ANKS1B: variants seen among roughly 807,000 people sequenced by gnomAD.
ANKS1B encodes the protein ankyrin repeat and sterile alpha motif domain containing 1B, also known as ankyrin repeat and sterile alpha motif domain-containing protein 1B.
ANKS1B carries 36 observed loss-of-function variants against 148.3 expected under a neutral mutation model. The observed-to-expected ratio is 0.24, with a 90% CI of 0.19 to 0.32. ANKS1B has a LOEUF of 0.32. Ranked by LOEUF, ANKS1B falls within the 10% of genes least tolerant of loss-of-function variation. The pLI is 1.00. For missense variants in ANKS1B, 1,157 were observed against 1,542.6 expected, an observed-to-expected ratio of 0.75 and a Z score of 4.19; for synonymous variants, 542 against 560.8, an observed-to-expected ratio of 0.97 and a Z score of 0.47.
chr12:99,208,835 C>CT (rs1326497138), intron 14 of ANKS1B, among the ~76,000 whole-genome samples: 10 of 151,926 alleles, frequency 6.6e-5, no homozygotes, highest in East Asian at 1.9e-4. Context: ...TTAAGAAAAG[C>CT]TTTTTTTTAA....
At chr12:99,761,092 C>A (rs992394595) in intron 8 of ANKS1B, among the ~76,000 whole-genome samples, 10 of 141,800 alleles carry the variant, frequency 7.1e-5, no homozygotes, top group African/African-American at 1.8e-4. Flanking sequence ...AACCCTGGAC[C>A]AGAAGGATTT....
chr12:99,829,237 G>A (rs546133601), intron 1 of ANKS1B, among the ~76,000 whole-genome samples: 13 of 151,720 alleles, frequency 8.6e-5, no homozygotes, highest in African/African-American at 2.9e-4. Flanking sequence ...TGGGCCAGTC[G>A]CGGTGGCTCA....
intron 14 of ANKS1B, among the ~76,000 whole-genome samples, chr12:99,231,417 G>A (rs572477215): frequency 6.6e-6 from 1 of 152,124 alleles, no homozygotes; most frequent in South Asian, 2.1e-4. Flanking sequence ...TGGACTTCAG[G>A]AAAAGAAAAA....
At chr12:99,356,973 CTT>C (rs1364577464) in intron 12 of ANKS1B, among the ~76,000 whole-genome samples, 3 of 149,388 alleles carry the variant, frequency 2.0e-5, no homozygotes, top group Non-Finnish European at 4.4e-5. Flanking sequence ...TCATTTAAAA[CTT>C]ATTTAGCATC....
At chr12:98,876,577 T>C (rs931281167) in intron 17 of ANKS1B, among the ~76,000 whole-genome samples, 1 of 152,220 alleles carries the variant, frequency 6.6e-6, no homozygotes, top group African/African-American at 2.4e-5. Flanking sequence ...GATCAAGGAC[T>C]CAAATTATGT....
At chr12:99,301,961 G>A (rs1175668792) in intron 12 of ANKS1B, among the ~76,000 whole-genome samples, 1 of 152,060 alleles carries the variant, frequency 6.6e-6, no homozygotes, top group African/African-American at 2.4e-5. Context: ...TGGGAATGGT[G>A]TATCAGGAAG....
At chr12:99,501,792 G>T (rs1197328972) in intron 10 of ANKS1B, among the ~76,000 whole-genome samples, 1 of 152,158 alleles carries the variant, frequency 6.6e-6, no homozygotes, top group Non-Finnish European at 1.5e-5. Flanking sequence ...TGTGACTTTA[G>T]TGCAGCATTT....
At chr12:99,069,418 T>A (rs973422568) in intron 16 of ANKS1B, among the ~76,000 whole-genome samples, 2 of 152,246 alleles carry the variant, frequency 1.3e-5, no homozygotes, top group African/African-American at 2.4e-5. Context: ...TTTCTTATGA[T>A]ACATTTACCT....
chr12:99,246,123 T>C (rs1012101134), intron 13 of ANKS1B, among the ~76,000 whole-genome samples, 152 bp downstream of exon 13: 4 of 152,106 alleles, frequency 2.6e-5, no homozygotes, highest in Non-Finnish European at 5.9e-5. Context: ...GAAATTACCA[T>C]GCATTACCCA....
chr12:99,444,769 T>C (rs2095610000), intron 10 of ANKS1B, among the ~76,000 whole-genome samples: 1 of 151,990 alleles, frequency 6.6e-6, no homozygotes, highest in Non-Finnish European at 1.5e-5. Context: ...TCCCAATAAT[T>C]TTCTTTCCTA....
At chr12:99,074,584 C>T (rs1160723438) in intron 16 of ANKS1B, among the ~76,000 whole-genome samples, 1 of 152,182 alleles carries the variant, frequency 6.6e-6, no homozygotes, top group African/African-American at 2.4e-5. Context: ...GCCATTCCTT[C>T]TCTCGATGTG....
In ANKS1B at chr12:99,010,896, C is replaced by CTTTTTTTTTTTTTTT. The variant is rs1364287827; in HGVS notation, c.2778+42260_2778+42261insAAAAAAAAAAAAAAA. Among the ~76,000 whole-genome samples, 3 of 113,862 alleles carry CTTTTTTTTTTTTTTT rather than the reference C, an allele frequency of 2.6e-5. 1 individual carries two copies. The highest frequency in any genetic ancestry group is 5.2e-5 in the Non-Finnish European group (3 of 58,090). 74.7% of individuals were successfully genotyped at this position (113,862 alleles called of 152,430 possible). ...AAGTAGCTAGGACTACAGGTGTGAGCTTTTGTTTTTTTTTTTTTTTTTTTT... is the reference window on the plus strand; with the variant it reads ...AAGTAGCTAGGACTACAGGTGTGAGCTTTTTTTTTTTTTTTTTTTGTTTTTTTTTTTTTTTTTTTT... On this transcript the variant is annotated intron_variant, in intron 17 of 26. Transcript: ENST00000683438.
At chr12:99,924,811 G>A (rs2094446879) in intron 1 of ANKS1B, among the ~76,000 whole-genome samples, 1 of 152,076 alleles carries the variant, frequency 6.6e-6, no homozygotes, top group South Asian at 2.1e-4. Flanking sequence ...TCAGTCAATG[G>A]TATCTTATTA....
chr12:99,338,865 T>C (rs1385519924), intron 12 of ANKS1B, among the ~76,000 whole-genome samples: 1 of 152,170 alleles, frequency 6.6e-6, no homozygotes, highest in African/African-American at 2.4e-5. Flanking sequence ...GCAAACTGCC[T>C]AAGACCTTAT....
chr12:99,200,542 T>G (rs1393557557), intron 14 of ANKS1B, among the ~76,000 whole-genome samples: 1 of 152,224 alleles, frequency 6.6e-6, no homozygotes. Flanking sequence ...CATTGGCACT[T>G]AAATTTTATG....
chr12:99,510,081 CCTA>C (rs1352411202), intron 9 of ANKS1B, among the ~76,000 whole-genome samples: 2 of 151,978 alleles, frequency 1.3e-5, no homozygotes, highest in Non-Finnish European at 2.9e-5. Flanking sequence ...ACTATTGAGA[CCTA>C]CTATTCACAA....
chr12:98,890,369 A>G (rs368928007), intron 17 of ANKS1B, among the ~76,000 whole-genome samples: 1 of 152,332 alleles, frequency 6.6e-6, no homozygotes, highest in East Asian at 1.9e-4. Context: ...GCAAGAAAAC[A>G]ATTTGAACCA....
chr12:98,895,086 G>A (rs1596461705), intron 17 of ANKS1B: 3 of 976,332 alleles, frequency 3.1e-6, no homozygotes, highest in Non-Finnish European at 3.6e-6. Context: ...CGGGGTGGGC[G>A]GCGAGGCGGG....
intron 1 of ANKS1B, among the ~76,000 whole-genome samples, chr12:99,933,123 T>C (rs569257110): frequency 1.3e-5 from 2 of 152,288 alleles, no homozygotes; most frequent in East Asian, 3.9e-4. Flanking sequence ...TTGGTCTGTG[T>C]CTGTTTTTAT....
Sources: gnomAD v4.1 joint callset for allele counts (sites outside exome capture counted in the v4.1 genomes callset) on GRCh38, gnomAD v4.1.1 for gene constraint, MANE v1.5 for transcripts, NCBI Gene and HGNC (gene_info 2026-07-23, HGNC 2026-07-21) for gene names.